The following STAG2 variants were observed in gnomAD, a reference collection of about 807,000 sequenced individuals.
The protein encoded by STAG2 is STAG2 cohesin complex component, also known as cohesin subunit SA-2.
Under a neutral mutation model 108.1 loss-of-function variants are expected in STAG2, and 14 were observed. The observed-to-expected ratio is 0.13, with a 90% CI of 0.09 to 0.20. The LOEUF is 0.20. Among genes scored for constraint, STAG2 ranks in the 10% least tolerant of loss-of-function variants. The pLI, the probability that STAG2 is intolerant of heterozygous loss-of-function variation, is 1.00. For synonymous variants in STAG2, 307 were observed against 302.7 expected (o/e 1.01, Z -0.15); for missense variants, 440 against 940.9 (o/e 0.47, Z 6.96).
chrX:124,060,658 C>T (rs2058350842), intron 15 of STAG2, among the ~76,000 whole-genome samples: 1 of 110,376 alleles, frequency 9.1e-6, no homozygotes, highest in African/African-American at 3.3e-5. Context: ...TGCAGTGGCT[C>T]ACACCTGTAA....
chrX:123,967,891 T>TA (rs2054180881), intron 1 of STAG2, among the ~76,000 whole-genome samples: 1 of 110,306 alleles, frequency 9.1e-6, no homozygotes, highest in Non-Finnish European at 1.9e-5. Flanking sequence ...CTTATAATCT[T>TA]ATGGGACCAC....
chrX:124,080,915 A>G (rs1213103558), intron 27 of STAG2, among the ~76,000 whole-genome samples: 1 of 112,130 alleles, frequency 8.9e-6, no homozygotes, highest in African/African-American at 3.2e-5. Flanking sequence ...TTTTTTGTAC[A>G]TATTATTGTG....
At chrX:123,990,749 A>T (rs1030353945) in intron 1 of STAG2, among the ~76,000 whole-genome samples, 5 of 111,957 alleles carry the variant, frequency 4.5e-5, no homozygotes, top group Non-Finnish European at 9.4e-5. Flanking sequence ...GAGGAGGCGT[A>T]GTGATTGAGG....
chrX:123,974,987 T>C (rs1056567101), intron 1 of STAG2, among the ~76,000 whole-genome samples: 3 of 111,963 alleles, frequency 2.7e-5, no homozygotes, highest in African/African-American at 9.7e-5. Context: ...TATGATAACC[T>C]CTTTCCTTAG....
At chrX:124,066,472 A>T in intron 23 of STAG2, 36 bp downstream of exon 23, 1 of 1,000,071 alleles carries the variant, frequency 1.0e-6, no homozygotes, top group South Asian at 2.0e-5. Flanking sequence ...TATTAGACTA[A>T]ATATCATTAA....
chrX:124,020,163 G>A (rs1004117227), intron 1 of STAG2, among the ~76,000 whole-genome samples: 7 of 112,024 alleles, frequency 6.2e-5, no homozygotes, highest in Non-Finnish European at 1.3e-4. Context: ...CCAGTATATC[G>A]CACAATATTC....
chrX:123,987,106 C>T (rs2055226316), intron 1 of STAG2, among the ~76,000 whole-genome samples: 1 of 110,811 alleles, frequency 9.0e-6, no homozygotes, highest in South Asian at 3.8e-4. Flanking sequence ...GATTCTCCTG[C>T]CTTAGCCTCC....
At chrX:124,068,852 A>G (rs1051879796) in intron 24 of STAG2, among the ~76,000 whole-genome samples, 196 bp downstream of exon 24, 3 of 112,277 alleles carry the variant, frequency 2.7e-5, no homozygotes, top group African/African-American at 9.7e-5. Flanking sequence ...TATGGGGTTT[A>G]TAATTGCATT....
chrX:124,091,166 C>A (rs1024421213), intron 32 of STAG2, among the ~76,000 whole-genome samples: 3 of 111,844 alleles, frequency 2.7e-5, no homozygotes, highest in Admixed American at 1.9e-4. Context: ...AAGGACCAAT[C>A]TTAGGTTGAT....
intron 1 of STAG2, among the ~76,000 whole-genome samples, chrX:123,965,066 C>T (rs2054036232): frequency 9.4e-6 from 1 of 106,710 alleles, no homozygotes; most frequent in Non-Finnish European, 1.9e-5. Context: ...CGAAAGGAAT[C>T]CAAAACAATG....
chrX:124,090,160 C>CA (rs758142487), intron 30 of STAG2, among the ~76,000 whole-genome samples: 2,303 of 28,326 alleles, frequency 0.081, 340 homozygotes, highest in East Asian at 0.14. Flanking sequence ...GACTCTGTCT[C>CA]AAAAAAAAAA....
intron 28 of STAG2, among the ~76,000 whole-genome samples, chrX:124,082,583 A>G (rs931221180): frequency 2.7e-5 from 3 of 110,577 alleles, no homozygotes; most frequent in African/African-American, 9.9e-5. Flanking sequence ...TTGTAGAGAC[A>G]GGGTCTCACC....
chrX:123,982,629 C>T (rs1034321932), intron 1 of STAG2, among the ~76,000 whole-genome samples: 2 of 111,198 alleles, frequency 1.8e-5, no homozygotes, highest in African/African-American at 3.3e-5. Context: ...TCAAGTGATC[C>T]GCCCACCTTG....
rs755200295 is a variant in STAG2 at position 124,030,284 on chromosome X, AT to A, written c.124-674del. On this transcript the variant is annotated intron_variant, in intron 4 of 34. Transcript: ENST00000371145. ...ATAAAACTTGGAGATAGCTACCTTG[AT>A]TTACTACACCCTTGAGAATTCTCTG... Among the ~76,000 whole-genome samples the A allele has an allele frequency of 1.5e-3, 167 of 112,183 alleles. 1 individual carries two copies. The highest frequency in any genetic ancestry group is 2.1e-3 in the Non-Finnish European group (113 of 53,173).
intron 1 of STAG2, among the ~76,000 whole-genome samples, chrX:124,017,791 A>G (rs1237326989): frequency 8.9e-6 from 1 of 111,816 alleles, no homozygotes. Flanking sequence ...CCATAAATAT[A>G]TACTAATTAT....
At chrX:124,009,450 GATAGA>G (rs2056445588) in intron 1 of STAG2, among the ~76,000 whole-genome samples, 2 of 108,706 alleles carry the variant, frequency 1.8e-5, no homozygotes, top group African/African-American at 6.7e-5. Flanking sequence ...TAGGTAGATA[GATAGA>G]TAGATAGATA....
chrX:124,066,404 C>T lies in STAG2; in HGVS notation c.2233C>T (p.Leu745Phe). The T allele has an allele frequency of 1.7e-6, 2 of 1,208,321 alleles. No homozygotes were observed. Among genetic ancestry groups the T allele is most frequent in the Non-Finnish European group, 1.1e-6 (1 of 893,211 alleles). ...QCTHYVILWQ[L>F]AKITESSSTK... ...TACTCACTATGTAATCCTTTGGCAA[C>T]TTGCTAAGATAACTGAAAGCAGCTC... The change falls in exon 23 of 35, where the codon CTT becomes TTT. Residue 745 changes from leucine to phenylalanine, a missense_variant. By Grantham distance (22) the Leu-to-Phe change is conservative (BLOSUM62 0). This residue lies in a region of STAG2 where 337 missense variants were observed against 649.3 expected (regional missense o/e 0.52). Coordinates refer to ENST00000371145, the MANE Select transcript of STAG2 (RefSeq NM_001042750.2).
intron 1 of STAG2, among the ~76,000 whole-genome samples, chrX:123,983,042 C>T (rs188863480): frequency 1.4e-3 from 158 of 111,194 alleles, no homozygotes; most frequent in African/African-American, 4.8e-3. Flanking sequence ...TTCCCTGCTT[C>T]GGAGATGTTA....
chrX:124,050,366 T>G, intron 11 of STAG2, 57 bp downstream of exon 11: 1 of 1,122,861 alleles, frequency 8.9e-7, no homozygotes, highest in Non-Finnish European at 1.2e-6. Flanking sequence ...TGTCTGCACC[T>G]CTCATTCATG....
Sources: gnomAD v4.1 joint callset for allele counts (sites outside exome capture counted in the v4.1 genomes callset) on GRCh38, gnomAD v4.1.1 for gene constraint, gnomAD v4.1.1 regional missense constraint, MANE v1.5 for transcripts, NCBI Gene and HGNC (gene_info 2026-07-23, HGNC 2026-07-21) for gene names.